Variants in KCTD20 observed in about 807,000 individuals in gnomAD.
KCTD20 encodes potassium channel tetramerization domain containing 20.
Under a neutral mutation model 39.6 loss-of-function variants are expected in KCTD20, and 30 were observed. The ratio of observed to expected loss-of-function variants is 0.76; its 90% CI spans 0.57 to 1.03. The LOEUF is 1.03. Among genes scored for constraint, KCTD20 ranks in the 50% least tolerant of loss-of-function variants. The pLI is 0.00. For synonymous variants in KCTD20, 162 were observed against 180.6 expected (o/e 0.90, Z 0.83); for missense variants, 422 against 522.0 (o/e 0.81, Z 1.87).
At chr6:36,482,615 A>G (rs1441318956) in intron 6 of KCTD20, among the ~76,000 whole-genome samples, 1 of 150,938 alleles carries the variant, frequency 6.6e-6, no homozygotes, top group African/African-American at 2.4e-5. Flanking sequence ...CCTTTGCACA[A>G]ATGTGCCATA....
At chr6:36,485,775 A>G (rs1377424534) in intron 7 of KCTD20, among the ~76,000 whole-genome samples, 3 of 152,062 alleles carry the variant, frequency 2.0e-5, no homozygotes, top group African/African-American at 7.2e-5. Context: ...TACAGATGTG[A>G]GCCACGGCGC....
At chr6:36,450,030 T>G (rs1333149969) in intron 1 of KCTD20, among the ~76,000 whole-genome samples, 5 of 151,644 alleles carry the variant, frequency 3.3e-5, no homozygotes, top group Non-Finnish European at 7.4e-5. Flanking sequence ...TGGGCGTGGT[T>G]GCAGGCGCCT....
intron 1 of KCTD20, among the ~76,000 whole-genome samples, chr6:36,444,235 T>C (rs1219947723): frequency 1.3e-5 from 2 of 152,190 alleles, no homozygotes; most frequent in African/African-American, 2.4e-5. Flanking sequence ...GACCACACGT[T>C]GACAGACACC....
At chr6:36,460,648 C>A (rs574560820) in intron 1 of KCTD20, among the ~76,000 whole-genome samples, 2 of 152,182 alleles carry the variant, frequency 1.3e-5, no homozygotes, top group African/African-American at 4.8e-5. Flanking sequence ...AAAATCAACC[C>A]CCATCTGGAG....
intron 1 of KCTD20, among the ~76,000 whole-genome samples, chr6:36,449,946 C>A (rs1340415457): frequency 6.6e-6 from 1 of 151,964 alleles, no homozygotes; most frequent in African/African-American, 2.4e-5. Flanking sequence ...GGGCGGATCA[C>A]AAGGTCAGGA....
intron 1 of KCTD20, among the ~76,000 whole-genome samples, chr6:36,468,123 A>C (rs1775814010): frequency 6.6e-6 from 1 of 152,178 alleles, no homozygotes; most frequent in Non-Finnish European, 1.5e-5. Flanking sequence ...ATATTTGTGT[A>C]TTACTTATAA....
At chr6:36,456,668 G>C (rs1260569335) in intron 1 of KCTD20, among the ~76,000 whole-genome samples, 2 of 147,022 alleles carry the variant, frequency 1.4e-5, no homozygotes, top group African/African-American at 5.1e-5. Context: ...GCTCACTGCA[G>C]TTTTGACCTC....
At chr6:36,446,515 G>A (rs986150214) in intron 1 of KCTD20, among the ~76,000 whole-genome samples, 1 of 152,152 alleles carries the variant, frequency 6.6e-6, no homozygotes, top group Non-Finnish European at 1.5e-5. Flanking sequence ...GGCTAGGTGT[G>A]GTGGCTTACG....
intron 1 of KCTD20, among the ~76,000 whole-genome samples, chr6:36,461,824 T>C (rs1488248605): frequency 6.6e-6 from 1 of 152,180 alleles, no homozygotes; most frequent in Non-Finnish European, 1.5e-5. Context: ...TGTCACCCTG[T>C]CATTGTACTT....
At position 36,469,296 on chromosome 6, in the gene KCTD20, T is replaced by C. The variant is rs1775844910; in HGVS notation, c.-46-756T>C. Reference sequence around the variant, plus strand: ...TCGAGGATGGAAGGGTTGCAGGGCGTGATTAACCAGCAGAAAGTTATGAGG... The same window carrying C: ...TCGAGGATGGAAGGGTTGCAGGGCGCGATTAACCAGCAGAAAGTTATGAGG... On this transcript the variant is annotated intron_variant, in intron 1 of 7. Transcript: ENST00000373731. This position sits in a 1 kb window ranked among gnomAD's most constrained non-coding sequence, Gnocchi z 4.6. Among the ~76,000 whole-genome samples, 1 of 152,152 alleles carries C rather than the reference T, an allele frequency of 6.6e-6. No individual in the cohort carries two copies. Among genetic ancestry groups the C allele is most frequent in the South Asian group, 2.1e-4 (1 of 4,824 alleles).
rs752410166 is a variant in KCTD20, at chr6:36,479,230, G to T, written c.537+7G>T. 6.9e-6 allele frequency: 11 copies of T among 1,595,956 alleles called. No individual in the cohort carries two copies. In the South Asian group the frequency reaches 1.1e-4, roughly 16 times the overall value. ...TGTATTTCGCACAGTGCTGGTGTGT[G>T]GTAGCCTTTTTTGTTACATTCTCTT... On this transcript the variant is annotated splice_region_variant and intron_variant, in intron 4 of 7. Coordinates refer to ENST00000373731, the MANE Select transcript of KCTD20 (RefSeq NM_173562.5).
chr6:36,480,012 T>G (rs1480614979), intron 5 of KCTD20, among the ~76,000 whole-genome samples: 1 of 152,024 alleles, frequency 6.6e-6, no homozygotes, highest in Non-Finnish European at 1.5e-5. Flanking sequence ...GAGCTGGTTT[T>G]GAACTCCTGA....
intron 1 of KCTD20, chr6:36,465,716 T>G (rs1775731532): frequency 6.6e-6 from 1 of 152,064 alleles, no homozygotes; most frequent in African/African-American, 2.4e-5. Context: ...AAATCAAGAC[T>G]TAACAAAATA....
At chr6:36,482,869 C>T (rs1025606345) in intron 6 of KCTD20, among the ~76,000 whole-genome samples, 1 of 151,218 alleles carries the variant, frequency 6.6e-6, no homozygotes, top group African/African-American at 2.4e-5. Flanking sequence ...TCACTTGAAC[C>T]CAGGAGGCGG....
chr6:36,455,386 C>T (rs1166087450), intron 1 of KCTD20, among the ~76,000 whole-genome samples: 2 of 152,086 alleles, frequency 1.3e-5, no homozygotes, highest in Non-Finnish European at 2.9e-5. Flanking sequence ...CCAGCCTGGG[C>T]GACAGAGCAA....
chr6:36,460,322 T>C lies in KCTD20; in HGVS notation c.-46-9730T>C, dbSNP rs544465409. Among the ~76,000 whole-genome samples the C allele has an allele frequency of 1.3e-3, 171 of 127,178 alleles. 1 individual carries two copies. Among genetic ancestry groups the C allele is most frequent in the Non-Finnish European group, 2.3e-3 (141 of 62,122 alleles). The allele number at this position is 127,178 out of a possible 152,430, so 83.4% of individuals were successfully genotyped here. Reference sequence around the variant, plus strand: ...CAGCAGAATTAGATCTCTCTTTTTTTTTCCCGAGACTGAGCCTGTAGCCCA... The same window carrying C: ...CAGCAGAATTAGATCTCTCTTTTTTCTTCCCGAGACTGAGCCTGTAGCCCA... On this transcript the variant is annotated intron_variant, in intron 1 of 7. Coordinates refer to ENST00000373731, the MANE Select transcript of KCTD20 (RefSeq NM_173562.5).
chr6:36,459,892 A>G (rs1045155128), intron 1 of KCTD20, among the ~76,000 whole-genome samples: 1 of 152,222 alleles, frequency 6.6e-6, no homozygotes, highest in South Asian at 2.1e-4. Context: ...TCTTTTCTAT[A>G]AAATAGTCAA....
chr6:36,472,874 A>G (rs1439942503), intron 2 of KCTD20, among the ~76,000 whole-genome samples: 1 of 151,206 alleles, frequency 6.6e-6, no homozygotes, highest in African/African-American at 2.4e-5. Flanking sequence ...CCTGTTTTGT[A>G]TCATGCAGTA....
chr6:36,488,156 C>G lies in KCTD20; in HGVS notation c.*981C>G, dbSNP rs1582384746. 6.6e-6 allele frequency: 1 copy of G among 152,220 alleles called. No homozygotes were observed. Among genetic ancestry groups the G allele is most frequent in the East Asian group, 1.9e-4 (1 of 5,202 alleles). The allele number at this position is 152,220 out of a possible 1,614,324, so 9.4% of individuals were successfully genotyped here. A position where few individuals can be genotyped will look rare whatever the true frequency, so the allele number is the denominator to read the frequency against. On this transcript the variant is annotated 3_prime_UTR_variant, in exon 8 of 8. Coordinates refer to ENST00000373731, the MANE Select transcript of KCTD20 (RefSeq NM_173562.5). The stretch of plus-strand genomic sequence containing the variant: ...AGTGAAGCTGGGTGGGAAGCATCAT[C>G]TGCACAGTCCCTGTCCTAGTGCAGG...
Sources: gnomAD v4.1 joint callset for allele counts (sites outside exome capture counted in the v4.1 genomes callset) on GRCh38, gnomAD v4.1.1 for gene constraint, Gnocchi (gnomAD v3.1) non-coding constraint, MANE v1.5 for transcripts, NCBI Gene and HGNC (gene_info 2026-07-23, HGNC 2026-07-21) for gene names.